Variants in ROBO2 observed in about 807,000 individuals in gnomAD.
The protein encoded by ROBO2 is roundabout homolog 2.
ROBO2 carries 53 observed loss-of-function variants against 160.8 expected under a neutral mutation model. That is an observed-to-expected ratio of 0.33 (90% CI 0.26 to 0.41). The LOEUF is 0.41. Ranked by LOEUF, ROBO2 falls within the 10% of genes least tolerant of loss-of-function variation. ROBO2 has a pLI of 1.00. For synonymous variants in ROBO2, 664 were observed against 611.7 expected (o/e 1.09, Z -1.26); for missense variants, 1,577 against 1,722.4 (o/e 0.92, Z 1.49).
chr3:76,781,073 G>A (rs1193612058), intron 2 of ROBO2, among the ~76,000 whole-genome samples: 2 of 150,638 alleles, frequency 1.3e-5, no homozygotes, highest in Middle Eastern at 6.9e-3. Flanking sequence ...ATTTATTTGT[G>A]TCTTCTTCAA....
At chr3:76,525,900 G>C (rs1001415628) in intron 2 of ROBO2, among the ~76,000 whole-genome samples, 2 of 151,902 alleles carry the variant, frequency 1.3e-5, no homozygotes, top group African/African-American at 4.8e-5. Flanking sequence ...TATATAGTAG[G>C]ATTCCATTTA....
chr3:76,069,831 A>G (rs1317101266), intron 2 of ROBO2, among the ~76,000 whole-genome samples: 1 of 152,172 alleles, frequency 6.6e-6, no homozygotes, highest in African/African-American at 2.4e-5. Context: ...GGCTGAAGCC[A>G]TGGTAGAAGA....
intron 2 of ROBO2, among the ~76,000 whole-genome samples, chr3:76,132,832 A>G (rs187017801): frequency 1.3e-5 from 2 of 152,244 alleles, no homozygotes; most frequent in Admixed American, 1.3e-4. Flanking sequence ...CAAGGTTAGA[A>G]AAAGAACAGT....
chr3:77,111,900 C>T (rs2073630042), intron 2 of ROBO2, among the ~76,000 whole-genome samples: 1 of 152,054 alleles, frequency 6.6e-6, no homozygotes, highest in African/African-American at 2.4e-5. Context: ...TTCACCATTA[C>T]AACTGAAATG....
chr3:76,393,286 C>A (rs1487170893), intron 2 of ROBO2, among the ~76,000 whole-genome samples: 2 of 152,054 alleles, frequency 1.3e-5, no homozygotes, highest in Non-Finnish European at 2.9e-5. Context: ...AACAGTAAGT[C>A]CCTCATTGAA....
chr3:76,977,541 C>G (rs996588443), intron 2 of ROBO2, among the ~76,000 whole-genome samples: 2 of 152,072 alleles, frequency 1.3e-5, no homozygotes, highest in Non-Finnish European at 2.9e-5. Context: ...ACAGGAATAA[C>G]TTGGTTGAGT....
chr3:77,288,019 T>C (rs2060731411), intron 2 of ROBO2, among the ~76,000 whole-genome samples: 1 of 152,190 alleles, frequency 6.6e-6, no homozygotes, highest in African/African-American at 2.4e-5. Context: ...TATTTCAGTG[T>C]ACAGTAATTT....
intron 2 of ROBO2, among the ~76,000 whole-genome samples, chr3:76,876,915 T>A (rs981446682): frequency 2.0e-5 from 3 of 152,270 alleles, no homozygotes; most frequent in Non-Finnish European, 4.4e-5. Context: ...GTACAGAGAT[T>A]TGCTTTCTGA....
chr3:76,932,061 G>C (rs1454912185), intron 2 of ROBO2, among the ~76,000 whole-genome samples: 1 of 152,138 alleles, frequency 6.6e-6, no homozygotes, highest in Non-Finnish European at 1.5e-5. Flanking sequence ...TTAAATGGCT[G>C]TAATGATTCT....
At chr3:77,565,480 A>G (rs1306563415) in intron 12 of ROBO2, among the ~76,000 whole-genome samples, 1 of 152,136 alleles carries the variant, frequency 6.6e-6, no homozygotes, top group Non-Finnish European at 1.5e-5. Flanking sequence ...AAATAGAGGT[A>G]TAAAAATTAT....
chr3:75,975,018 A>G (rs915774576), intron 2 of ROBO2, among the ~76,000 whole-genome samples: 5 of 150,978 alleles, frequency 3.3e-5, no homozygotes, highest in African/African-American at 1.2e-4. Flanking sequence ...ATGAACTATA[A>G]TAATCTTTTT....
chr3:76,520,307 C>T (rs542696778), intron 2 of ROBO2, among the ~76,000 whole-genome samples: 11 of 152,112 alleles, frequency 7.2e-5, no homozygotes, highest in East Asian at 1.9e-4. Context: ...AAAAATTAGC[C>T]GGGCGTGGTG....
At chr3:76,831,807 A>C (rs1414695842) in intron 2 of ROBO2, among the ~76,000 whole-genome samples, 1 of 152,230 alleles carries the variant, frequency 6.6e-6, no homozygotes, top group Non-Finnish European at 1.5e-5. Flanking sequence ...ATACCTAAAA[A>C]CACAGAGATT....
At chr3:77,390,046 G>C (rs1025511620) in intron 2 of ROBO2, among the ~76,000 whole-genome samples, 1 of 152,280 alleles carries the variant, frequency 6.6e-6, no homozygotes, top group Admixed American at 6.5e-5. Context: ...CAGAAGAGAG[G>C]AAACAGATTT....
chr3:76,009,998 T>C (rs991673954), intron 2 of ROBO2, among the ~76,000 whole-genome samples: 1 of 152,244 alleles, frequency 6.6e-6, no homozygotes, highest in African/African-American at 2.4e-5. Context: ...TCTTTATATG[T>C]ATTGTAATTT....
At chr3:77,647,563 G>C (rs2095420819) in exon 26 of ROBO2, 1 of 152,098 alleles carries the variant, frequency 6.6e-6, no homozygotes, top group Non-Finnish European at 1.5e-5. Flanking sequence ...AGAAGTTCCT[G>C]AACATTAGTC....
chr3:77,142,135 G>A (rs1042106521), intron 2 of ROBO2, among the ~76,000 whole-genome samples: 2 of 151,974 alleles, frequency 1.3e-5, no homozygotes, highest in African/African-American at 2.4e-5. Context: ...ATATTTGTAT[G>A]AAAAGCTATT....
intron 2 of ROBO2, among the ~76,000 whole-genome samples, chr3:76,236,135 G>C (rs1704929759): frequency 6.6e-6 from 1 of 151,260 alleles, no homozygotes; most frequent in Non-Finnish European, 1.5e-5. Context: ...TAATAATAAA[G>C]TTAAGTCAAT....
chr3:76,823,140 A>C (rs2066263735), intron 2 of ROBO2, among the ~76,000 whole-genome samples: 1 of 152,226 alleles, frequency 6.6e-6, no homozygotes, highest in Non-Finnish European at 1.5e-5. Flanking sequence ...AAATTTTCTC[A>C]GCTTTGCTTA....
Sources: gnomAD v4.1 joint callset for allele counts (sites outside exome capture counted in the v4.1 genomes callset) on GRCh38, gnomAD v4.1.1 for gene constraint, MANE v1.5 for transcripts, NCBI Gene and HGNC (gene_info 2026-07-23, HGNC 2026-07-21) for gene names.